The following SCHIP1 variants were observed in gnomAD, a reference collection of about 807,000 sequenced individuals.
SCHIP1 encodes schwannomin interacting protein 1, also known as schwannomin-interacting protein 1.
SCHIP1 carries 8 observed loss-of-function variants against 29.7 expected under a neutral mutation model. The ratio of observed to expected loss-of-function variants is 0.27; its 90% confidence interval spans 0.16 to 0.49. The LOEUF (loss-of-function observed/expected upper bound fraction) is 0.49, where lower values mean the gene tolerates loss of function less well. Among genes scored for constraint, SCHIP1 ranks in the 20% least tolerant of loss-of-function variants. The pLI is 0.99. For synonymous variants in SCHIP1, 76 were observed against 94.9 expected (o/e 0.80, Z 1.16); for missense variants, 193 against 294.6 (o/e 0.66, Z 2.52).
chr3:159,543,198 G>A, the SCHIP1 span, among the ~76,000 whole-genome samples: 1 of 150,088 alleles, frequency 6.7e-6, no homozygotes, highest in African/African-American at 2.4e-5. Flanking sequence ...TTTTTGTTTT[G>A]TTTTGTTTTT....
chr3:159,596,562 A>G, the SCHIP1 span, among the ~76,000 whole-genome samples: 4 of 152,208 alleles, frequency 2.6e-5, no homozygotes, highest in Non-Finnish European at 4.4e-5. Context: ...ATGTCCATCA[A>G]TGATAGACTG....
At chr3:159,452,060 A>G in the SCHIP1 span, among the ~76,000 whole-genome samples, 1 of 152,078 alleles carries the variant, frequency 6.6e-6, no homozygotes, top group South Asian at 2.1e-4. Flanking sequence ...CGTTGTGTGT[A>G]ATTATTTCAC....
the SCHIP1 span, among the ~76,000 whole-genome samples, chr3:159,418,857 TC>T: frequency 6.6e-6 from 1 of 152,196 alleles, no homozygotes. Flanking sequence ...AATTCTCTCC[TC>T]TTTGATGTTA....
chr3:159,605,439 A>T, the SCHIP1 span, among the ~76,000 whole-genome samples: 1 of 152,158 alleles, frequency 6.6e-6, no homozygotes, highest in South Asian at 2.1e-4. Flanking sequence ...GGACTTTTAG[A>T]ATTGGAAAGA....
the SCHIP1 span, among the ~76,000 whole-genome samples, chr3:159,309,881 TATGATAG>T: frequency 6.6e-6 from 1 of 152,212 alleles, no homozygotes; most frequent in Non-Finnish European, 1.5e-5. Context: ...CTGAAGTCAT[TATGATAG>T]AGTTCCATGT....
chr3:159,374,095 A>G, the SCHIP1 span, among the ~76,000 whole-genome samples: 1 of 152,222 alleles, frequency 6.6e-6, no homozygotes, highest in African/African-American at 2.4e-5. Flanking sequence ...AATACAATAT[A>G]TAAAATCATA....
At chr3:159,765,902 C>G in the SCHIP1 span, among the ~76,000 whole-genome samples, 1 of 152,042 alleles carries the variant, frequency 6.6e-6, no homozygotes, top group East Asian at 1.9e-4. Flanking sequence ...GAAAGCCAGA[C>G]AGGGAGGGGT....
the SCHIP1 span, among the ~76,000 whole-genome samples, chr3:159,343,237 A>G: frequency 4.3e-3 from 662 of 152,294 alleles, 3 homozygotes; most frequent in Non-Finnish European, 8.0e-3. Flanking sequence ...AATATACTTA[A>G]CCATACTCCT....
chr3:159,523,145 C>T, the SCHIP1 span, among the ~76,000 whole-genome samples: 1 of 152,114 alleles, frequency 6.6e-6, no homozygotes, highest in African/African-American at 2.4e-5. Flanking sequence ...ATACATGTTA[C>T]AGAATGTATC....
chr3:159,463,137 G>A, the SCHIP1 span, among the ~76,000 whole-genome samples: 1 of 151,328 alleles, frequency 6.6e-6, no homozygotes, highest in Admixed American at 6.6e-5. Flanking sequence ...TATATATACA[G>A]TATATAGTTC....
chr3:159,567,938 A>G, the SCHIP1 span, among the ~76,000 whole-genome samples: 2 of 152,136 alleles, frequency 1.3e-5, no homozygotes, highest in Admixed American at 6.6e-5. Flanking sequence ...CAAATGTGGT[A>G]TATCTTTTCA....
At chr3:159,624,355 T>A in the SCHIP1 span, among the ~76,000 whole-genome samples, 1 of 152,216 alleles carries the variant, frequency 6.6e-6, no homozygotes, top group East Asian at 1.9e-4. Flanking sequence ...ATCCAGGTAC[T>A]TCTAACATTT....
At chr3:159,525,117 G>C in the SCHIP1 span, among the ~76,000 whole-genome samples, 1 of 152,224 alleles carries the variant, frequency 6.6e-6, no homozygotes, top group South Asian at 2.1e-4. Context: ...TCTTCTTCAG[G>C]TGCATGTTCA....
chr3:159,444,732 T>C, the SCHIP1 span, among the ~76,000 whole-genome samples: 1 of 152,138 alleles, frequency 6.6e-6, no homozygotes, highest in South Asian at 2.1e-4. Context: ...AACTTCTAGA[T>C]AGGAAGGACT....
At chr3:159,851,763 G>C (rs78097273) in intron 1 of SCHIP1, among the ~76,000 whole-genome samples, 1,942 of 152,310 alleles carry the variant, frequency 0.013, 48 homozygotes, top group African/African-American at 0.044. Flanking sequence ...ACAGCCCCGG[G>C]AAGCATTCTG....
the SCHIP1 span, among the ~76,000 whole-genome samples, chr3:159,591,397 A>T: frequency 1.3e-5 from 2 of 152,186 alleles, no homozygotes; most frequent in South Asian, 4.1e-4. Flanking sequence ...ATACCATTTG[A>T]CCCAGCAATC....
chr3:159,419,962 T>C, the SCHIP1 span, among the ~76,000 whole-genome samples: 2 of 152,172 alleles, frequency 1.3e-5, no homozygotes, highest in African/African-American at 4.8e-5. Context: ...TAAGGACCAT[T>C]TGAGGAAGGT....
At chr3:159,668,280 G>A in the SCHIP1 span, among the ~76,000 whole-genome samples, 8 of 151,964 alleles carry the variant, frequency 5.3e-5, no homozygotes, top group Admixed American at 3.9e-4. Context: ...GGGAGGCTGA[G>A]GCAGGAGAAC....
the SCHIP1 span, among the ~76,000 whole-genome samples, chr3:159,826,471 A>G: frequency 6.6e-6 from 1 of 152,246 alleles, no homozygotes; most frequent in Non-Finnish European, 1.5e-5. Flanking sequence ...GCAAATTTGT[A>G]CTTCTTCAGC....
Sources: allele counts gnomAD v4.1 joint callset (sites outside exome capture counted in the v4.1 genomes callset), GRCh38; gene constraint gnomAD v4.1.1; transcripts MANE v1.5; gene names NCBI Gene and HGNC (gene_info 2026-07-23, HGNC 2026-07-21).